NEDD4: variants seen among roughly 807,000 people sequenced by gnomAD.
The protein encoded by NEDD4 is E3 ubiquitin-protein ligase NEDD4.
Under a neutral mutation model 144.9 loss-of-function variants are expected in NEDD4, and 99 were observed. The ratio of observed to expected loss-of-function variants is 0.68; its 90% CI spans 0.58 to 0.81. The LOEUF (loss-of-function observed/expected upper bound fraction) is 0.81, where lower values mean the gene tolerates loss of function less well. Ranked by LOEUF, NEDD4 falls within the 30% of genes least tolerant of loss-of-function variation. The pLI is 0.00. For synonymous variants in NEDD4, 318 were observed against 350.6 expected (o/e 0.91, Z 1.04); for missense variants, 985 against 1,065.9 (o/e 0.92, Z 1.06).
chr15:55,895,507 T>C (rs1374736768), intron 5 of NEDD4, among the ~76,000 whole-genome samples: 2 of 152,228 alleles, frequency 1.3e-5, no homozygotes, highest in Non-Finnish European at 2.9e-5. Flanking sequence ...AAGGAAGCTG[T>C]GGTAGCTGAG....
At chr15:55,889,524 C>A (rs1433717081) in intron 5 of NEDD4, among the ~76,000 whole-genome samples, 1 of 152,006 alleles carries the variant, frequency 6.6e-6, no homozygotes, top group Non-Finnish European at 1.5e-5. Flanking sequence ...AAAATTAAAA[C>A]AATTGAACTG....
chr15:55,895,114 A>G (rs796977079), intron 5 of NEDD4, among the ~76,000 whole-genome samples: 17 of 152,356 alleles, frequency 1.1e-4, no homozygotes, highest in African/African-American at 4.1e-4. Context: ...ACTCACAGCT[A>G]GGTAACTGCT....
intron 4 of NEDD4, among the ~76,000 whole-genome samples, chr15:55,945,062 G>C (rs1260288222): frequency 6.6e-6 from 1 of 151,894 alleles, no homozygotes; most frequent in African/African-American, 2.4e-5. Context: ...GGAGAAACCA[G>C]AGCAGAAAAG....
chr15:55,959,870 C>T (rs2037397565), intron 2 of NEDD4, among the ~76,000 whole-genome samples: 1 of 152,206 alleles, frequency 6.6e-6, no homozygotes, highest in African/African-American at 2.4e-5. Context: ...GACCACAGCC[C>T]TACCAATACC....
chr15:55,926,570 C>T (rs1482297960), intron 4 of NEDD4, among the ~76,000 whole-genome samples: 2 of 152,114 alleles, frequency 1.3e-5, no homozygotes. Context: ...GAGTTGGAGA[C>T]CAGCCTGGGC....
intron 1 of NEDD4, among the ~76,000 whole-genome samples, chr15:55,970,372 C>T (rs1161700634): frequency 6.6e-6 from 1 of 152,172 alleles, no homozygotes; most frequent in African/African-American, 2.4e-5. Flanking sequence ...CCAGTCCTGG[C>T]AAATTCATCT....
chr15:55,943,853 G>C (rs1031098583), intron 4 of NEDD4, among the ~76,000 whole-genome samples: 3 of 152,158 alleles, frequency 2.0e-5, no homozygotes, highest in African/African-American at 4.8e-5. Context: ...AAAACCCTTA[G>C]GCACTCAACA....
chr15:55,961,144 T>A (rs1286303590), intron 2 of NEDD4, among the ~76,000 whole-genome samples: 1 of 152,156 alleles, frequency 6.6e-6, no homozygotes, highest in Non-Finnish European at 1.5e-5. Context: ...AAGTTTGCTG[T>A]GAGAGGGACA....
chr15:55,992,423 G>A (rs755681520), intron 1 of NEDD4, among the ~76,000 whole-genome samples: 16 of 152,228 alleles, frequency 1.1e-4, no homozygotes, highest in Admixed American at 2.6e-4. Flanking sequence ...ACGACACCAA[G>A]GTACTAAGAG....
intron 4 of NEDD4, among the ~76,000 whole-genome samples, chr15:55,930,178 T>G (rs1271118618): frequency 6.6e-6 from 1 of 152,190 alleles, no homozygotes; most frequent in African/African-American, 2.4e-5. Context: ...TAAGAATATT[T>G]TTTATATTTT....
chr15:55,914,770 G>A (rs1006092902), intron 5 of NEDD4, among the ~76,000 whole-genome samples: 42 of 151,862 alleles, frequency 2.8e-4, no homozygotes, highest in African/African-American at 9.4e-4. Flanking sequence ...GTTTCTCTAT[G>A]ATAATTTATA....
At chr15:55,838,417 C>T (rs1322207195) in intron 22 of NEDD4, 92 bp downstream of exon 22, 1 of 900,624 alleles carries the variant, frequency 1.1e-6, no homozygotes, top group African/African-American at 1.7e-5. Flanking sequence ...AATGTAAAAA[C>T]AGAGCCTAGG....
Position 55,945,525 on chromosome 15 carries a change from A to ACTCTATGTT in NEDD4, c.237+5842_237+5850dup, listed in dbSNP as rs1405578888. On this transcript the variant is annotated intron_variant, in intron 4 of 28. Coordinates refer to ENST00000435532, the MANE Select transcript of NEDD4 (RefSeq NM_006154.4). ...AATATGGGACTATGTGAAAAGACCAACTCTATGTTTGGTGTAGCTGAAAGT... is the reference window on the plus strand; with the variant it reads ...AATATGGGACTATGTGAAAAGACCAACTCTATGTTCTCTATGTTTGGTGTAGCTGAAAGT... Among the ~76,000 whole-genome samples the ACTCTATGTT allele has an allele frequency of 3.3e-5, 5 of 152,178 alleles. No homozygotes were observed. The South Asian group carries it at 6.2e-4, about 19-fold the overall frequency.
chr15:55,936,408 C>G (rs1217833773), intron 4 of NEDD4, among the ~76,000 whole-genome samples: 1 of 151,164 alleles, frequency 6.6e-6, no homozygotes. Flanking sequence ...TCCCCCTATC[C>G]ATAAAAATAC....
At chr15:55,920,342 A>G (rs532306909) in intron 5 of NEDD4, among the ~76,000 whole-genome samples, 6 of 152,252 alleles carry the variant, frequency 3.9e-5, no homozygotes, top group African/African-American at 1.4e-4. Flanking sequence ...GTCTCCACCC[A>G]GAATATAGGT....
At chr15:55,879,677 G>A (rs2035114968) in intron 5 of NEDD4, among the ~76,000 whole-genome samples, 3 of 152,098 alleles carry the variant, frequency 2.0e-5, no homozygotes, top group African/African-American at 7.2e-5. Context: ...CCAGAGATAA[G>A]AGGAGATGAA....
intron 5 of NEDD4, among the ~76,000 whole-genome samples, chr15:55,874,910 G>A (rs541688147): frequency 9.0e-4 from 137 of 152,076 alleles, no homozygotes; most frequent in African/African-American, 3.0e-3. Context: ...GGAGGCAGAC[G>A]TTGCAGTGAG....
chr15:55,859,246 C>G (rs1489747951), intron 11 of NEDD4, among the ~76,000 whole-genome samples: 1 of 152,176 alleles, frequency 6.6e-6, no homozygotes, highest in African/African-American at 2.4e-5. Flanking sequence ...AAGTTCTCAT[C>G]GTGGAAGCAT....
rs117715237 is a variant in NEDD4 at position 55,993,122 on chromosome 15, G to A, written c.45+389C>T. On this transcript the variant is annotated intron_variant, in intron 1 of 28. Transcript: ENST00000435532. Reference sequence around the variant, plus strand: ...CCAGAGCAAGCAAATCAACAGCGGGGATGCTGCGACCGTCTCCCAACGCCT... The same window carrying A: ...CCAGAGCAAGCAAATCAACAGCGGGAATGCTGCGACCGTCTCCCAACGCCT... Among the ~76,000 whole-genome samples the A allele has an allele frequency of 4.7e-3, 718 of 152,390 alleles. 3 individuals are homozygous for A. The highest frequency in any genetic ancestry group is 9.9e-3 in the Admixed American group (151 of 15,304).
Sources: gnomAD v4.1 joint callset for allele counts (sites outside exome capture counted in the v4.1 genomes callset) on GRCh38, gnomAD v4.1.1 for gene constraint, MANE v1.5 for transcripts, NCBI Gene and HGNC (gene_info 2026-07-23, HGNC 2026-07-21) for gene names.